COL8A2: variants seen among roughly 807,000 people sequenced by gnomAD.
COL8A2 encodes collagen alpha-2(VIII) chain.
A neutral mutation model predicts 24.0 loss-of-function variants in COL8A2; 16 were observed. That is an observed-to-expected ratio of 0.67 (90% CI 0.45 to 1.01). The LOEUF (loss-of-function observed/expected upper bound fraction) is 1.01. Among genes scored for constraint, COL8A2 ranks in the 50% least tolerant of loss-of-function variants. COL8A2 has a pLI of 0.00. For synonymous variants in COL8A2, 466 were observed against 424.5 expected (o/e 1.10, Z -1.20); for missense variants, 818 against 942.4 (o/e 0.87, Z 1.73).
At chr1:36,101,338 C>T (rs1274835679) in intron 2 of COL8A2, among the ~76,000 whole-genome samples, 1 of 152,210 alleles carries the variant, frequency 6.6e-6, no homozygotes, top group African/African-American at 2.4e-5. Flanking sequence ...CTTAACACTT[C>T]TGGCCTTTGC....
rs1258713940 is a variant in COL8A2 at position 36,100,141 on chromosome 1, C to T, written c.102G>A (p.Gly34=). The T allele has an allele frequency of 6.2e-7, 1 of 1,612,372 alleles. No homozygotes were observed. Among genetic ancestry groups the T allele is most frequent in the East Asian group, 2.2e-5 (1 of 44,850 alleles). The part of the protein sequence containing the change: ...PRASSGGGAG[G]AAGYAPVKYI... ...ACTTCACTGGGGCATAGCCCGCCGCCCCACCGGCCCCGCCACCAGAGGACG... is the reference window on the plus strand; with the variant it reads ...ACTTCACTGGGGCATAGCCCGCCGCTCCACCGGCCCCGCCACCAGAGGACG... The change falls in exon 3 of 4, where the codon GGG becomes GGA. Residue 34 remains glycine, a synonymous_variant. Transcript: ENST00000397799.
At chr1:36,108,636 C>G (rs886805413) in intron 2 of COL8A2, among the ~76,000 whole-genome samples, 1 of 152,146 alleles carries the variant, frequency 6.6e-6, no homozygotes, top group South Asian at 2.1e-4. Flanking sequence ...TTTGTGGCAG[C>G]CCGGGCCTCC....
At chr1:36,100,885 GGCTTTTTTTTTTT>G (rs1363162113) in intron 2 of COL8A2, among the ~76,000 whole-genome samples, 1 of 115,384 alleles carries the variant, frequency 8.7e-6, no homozygotes, top group African/African-American at 3.4e-5. Flanking sequence ...TAGCATTCAA[GGCTTTTTTTTTTT>G]TTTTTTTTTT....
In COL8A2 at chr1:36,123,818, T is replaced by C. The variant is rs1557750793; in HGVS notation, c.-62+1239A>G. ...CTCATTATCATCTAGGGTCATTGTGTGTCCAAGGGTTTGTAGGTGTTCACC... is the reference window on the plus strand; with the variant it reads ...CTCATTATCATCTAGGGTCATTGTGCGTCCAAGGGTTTGTAGGTGTTCACC... On this transcript the variant is annotated intron_variant, in intron 1 of 3. Coordinates refer to ENST00000397799, the MANE Select transcript of COL8A2 (RefSeq NM_005202.4). The surrounding 1 kb of genome is among the most constrained non-coding windows in gnomAD (Gnocchi z 4.1). Among the ~76,000 whole-genome samples, 1 of 152,158 alleles carries C rather than the reference T, an allele frequency of 6.6e-6. No homozygotes were observed. Among genetic ancestry groups the C allele is most frequent in the Non-Finnish European group, 1.5e-5 (1 of 68,026 alleles).
chr1:36,097,478 TG>T lies in COL8A2; in HGVS notation c.*90del, dbSNP rs1459216342. On this transcript the variant is annotated 3_prime_UTR_variant, in exon 4 of 4. Coordinates refer to ENST00000397799, the MANE Select transcript of COL8A2 (RefSeq NM_005202.4). Reference sequence around the variant, plus strand: ...GCCACGGCCGCCTCTGTTCAGCTTTTGTTTTTTTTTCCAGGAGGTTCTTTGT... The same window carrying T: ...GCCACGGCCGCCTCTGTTCAGCTTTTTTTTTTTTTCCAGGAGGTTCTTTGT... 32 of 1,095,972 alleles carry T rather than the reference TG, an allele frequency of 2.9e-5. No individual in the cohort carries two copies. In the African/African-American group the frequency reaches 3.6e-4, roughly 12 times the overall value. 67.9% of individuals were successfully genotyped at this position (1,095,972 alleles called of 1,614,324 possible).
At chr1:36,114,702 G>T (rs1643871032) in intron 2 of COL8A2, among the ~76,000 whole-genome samples, 1 of 152,040 alleles carries the variant, frequency 6.6e-6, no homozygotes, top group Non-Finnish European at 1.5e-5. Flanking sequence ...CCTCCCTCCT[G>T]CCTGAGGCGG....
chr1:36,098,950 A>G lies in COL8A2; in HGVS notation c.731T>C (p.Leu244Pro). Residue 244 changes from leucine (L) to proline (P), a missense_variant, in exon 4 of 4, where the codon CTT becomes CCT. Coordinates refer to ENST00000397799, the MANE Select transcript of COL8A2 (RefSeq NM_005202.4). ...AGLGKPGLDG[L>P]PGAPGDKGES... The stretch of plus-strand genomic sequence containing the variant: ...ACCCTTGTCTCCTGGGGCCCCAGGA[A>G]GCCCATCCAAACCAGGTTTGCCTAA... 1 of 1,608,980 alleles carries G rather than the reference A, an allele frequency of 6.2e-7. No homozygotes were observed. The highest frequency in any genetic ancestry group is 1.1e-5 in the South Asian group (1 of 90,978).
At position 36,100,221 on chromosome 1, in the gene COL8A2, G is replaced by A. The variant is rs75750458; in HGVS notation, c.22C>T (p.Leu8=). MLGTLTP[L]SSLLLLLLVL... The stretch of plus-strand genomic sequence containing the variant: ...AGTAGCAGCAGCAGCAGCGAAGACA[G>A]GGGTGTCAGAGTCCCCAGCATGGCG... Residue 8 remains leucine, a synonymous_variant, in exon 3 of 4, where the codon CTG becomes TTG. Transcript: ENST00000397799. 2,652 of 1,575,346 alleles carry A rather than the reference G, an allele frequency of 1.7e-3. 24 individuals carry two copies. In the East Asian group the frequency reaches 0.017, roughly 10 times the overall value.
chr1:36,111,943 T>C (rs1034467323), intron 2 of COL8A2, among the ~76,000 whole-genome samples: 3 of 152,204 alleles, frequency 2.0e-5, no homozygotes, highest in African/African-American at 7.2e-5. Flanking sequence ...AAGTGCCCTG[T>C]ACCTCCAGGT....
intron 2 of COL8A2, among the ~76,000 whole-genome samples, chr1:36,114,144 C>T (rs1643868035): frequency 8.2e-6 from 1 of 122,156 alleles, no homozygotes; most frequent in African/African-American, 3.2e-5. Context: ...TGGTGAAACC[C>T]CATCTCTACT....
At chr1:36,120,958 G>A (rs1643908745) in intron 1 of COL8A2, among the ~76,000 whole-genome samples, 2 of 151,160 alleles carry the variant, frequency 1.3e-5, no homozygotes, top group Non-Finnish European at 3.0e-5. Context: ...GCCTGGTGGT[G>A]CACACCTGTA....
intron 2 of COL8A2, among the ~76,000 whole-genome samples, chr1:36,102,854 G>GT (rs939786260): frequency 1.3e-5 from 2 of 151,922 alleles, no homozygotes; most frequent in Non-Finnish European, 2.9e-5. Context: ...TGTATTTATA[G>GT]TAAAGATGGG....
Position 36,115,309 on chromosome 1 carries a change from C to T in COL8A2, c.-17+399G>A, listed in dbSNP as rs1236586153. 2.6e-5 allele frequency among the ~76,000 whole-genome samples: 4 copies of T among 152,182 alleles called. No individual in the cohort carries two copies. Among genetic ancestry groups the T allele is most frequent in the Non-Finnish European group, 5.9e-5 (4 of 68,018 alleles). On this transcript the variant is annotated intron_variant, in intron 2 of 3. Coordinates refer to ENST00000397799, the MANE Select transcript of COL8A2 (RefSeq NM_005202.4). The surrounding 1 kb of genome is among the most constrained non-coding windows in gnomAD (Gnocchi z 5.7). The stretch of plus-strand genomic sequence containing the variant: ...CTTTTCCGGAGCGCCACCCGCCACC[C>T]GCTGCCTCCCCACGCCTGCCAAGAT...
At chr1:36,103,068 G>A (rs1045920895) in intron 2 of COL8A2, among the ~76,000 whole-genome samples, 7 of 151,758 alleles carry the variant, frequency 4.6e-5, no homozygotes, top group South Asian at 2.1e-4. Context: ...CTGCAGCCTC[G>A]GCCTCCCGGG....
At chr1:36,108,269 G>A (rs1346263693) in intron 2 of COL8A2, among the ~76,000 whole-genome samples, 1 of 152,184 alleles carries the variant, frequency 6.6e-6, no homozygotes, top group Non-Finnish European at 1.5e-5. Flanking sequence ...TGCAGGGGAG[G>A]ACACTTCATC....
At chr1:36,117,466 G>A (rs1384741477) in intron 1 of COL8A2, among the ~76,000 whole-genome samples, 2 of 152,188 alleles carry the variant, frequency 1.3e-5, no homozygotes, top group African/African-American at 2.4e-5. Flanking sequence ...AACAGCATGT[G>A]TGAGAGTGTA....
intron 2 of COL8A2, among the ~76,000 whole-genome samples, chr1:36,109,418 CT>C (rs1364093310): frequency 6.6e-6 from 1 of 152,074 alleles, no homozygotes; most frequent in Non-Finnish European, 1.5e-5. Context: ...TCCCTGAGAC[CT>C]CTAAGGCCCT....
intron 2 of COL8A2, among the ~76,000 whole-genome samples, chr1:36,104,243 G>A (rs1304945647): frequency 6.6e-6 from 1 of 151,934 alleles, no homozygotes; most frequent in Non-Finnish European, 1.5e-5. Context: ...TGTAATCTCA[G>A]CACTTTGGGA....
chr1:36,109,132 G>T (rs1351751077), intron 2 of COL8A2, among the ~76,000 whole-genome samples: 1 of 152,228 alleles, frequency 6.6e-6, no homozygotes, highest in Non-Finnish European at 1.5e-5. Context: ...CTGCAGCTGA[G>T]GGAGCGGTGG....
Sources: allele counts gnomAD v4.1 joint callset (sites outside exome capture counted in the v4.1 genomes callset), GRCh38; gene constraint gnomAD v4.1.1; non-coding constraint Gnocchi (gnomAD v3.1); transcripts MANE v1.5; gene names NCBI Gene and HGNC (gene_info 2026-07-23, HGNC 2026-07-21).